The following BLACAT1 variants were observed in gnomAD, a reference collection of about 807,000 sequenced individuals.
BLACAT1 encodes the protein BLACAT1 overlapping LEMD1 locus.
intron 1 of BLACAT1, among the ~76,000 whole-genome samples, chr1:205,444,784 T>C (rs1325141701): frequency 1.3e-5 from 2 of 152,068 alleles, no homozygotes; most frequent in East Asian, 3.9e-4. Context: ...AGCAATTCTC[T>C]GATAAACAAG....
downstream of BLACAT1, among the ~76,000 whole-genome samples, chr1:205,438,903 G>C (rs547468429): frequency 6.6e-5 from 10 of 152,146 alleles, no homozygotes; most frequent in African/African-American, 2.4e-4. Context: ...AGGCGCACAA[G>C]GGGAAAGCTC....
chr1:205,445,431 C>T (rs1041123080), intron 1 of BLACAT1, among the ~76,000 whole-genome samples: 1 of 152,244 alleles, frequency 6.6e-6, no homozygotes, highest in Non-Finnish European at 1.5e-5. Flanking sequence ...TTAACTCCTT[C>T]TTGGCCTGCT....
At chr1:205,451,310 G>C (rs1666494170) in intron 1 of BLACAT1, among the ~76,000 whole-genome samples, 1 of 152,144 alleles carries the variant, frequency 6.6e-6, no homozygotes, top group Non-Finnish European at 1.5e-5. Context: ...CCTACCACCA[G>C]TGGCCTCCTC....
intron 1 of BLACAT1, among the ~76,000 whole-genome samples, chr1:205,455,181 C>G (rs1471348617): frequency 6.6e-6 from 1 of 152,176 alleles, no homozygotes; most frequent in Non-Finnish European, 1.5e-5. Context: ...GCTCCTAGCT[C>G]CGGCCTTTCT....
intron 1 of BLACAT1, among the ~76,000 whole-genome samples, chr1:205,442,520 C>G (rs538184117): frequency 6.6e-6 from 1 of 152,174 alleles, no homozygotes; most frequent in Non-Finnish European, 1.5e-5. Flanking sequence ...GCACAGTGCC[C>G]GGTGGATCCA....
At chr1:205,439,881 G>A (rs943871836), downstream of BLACAT1, among the ~76,000 whole-genome samples, 6 of 151,818 alleles carry the variant, frequency 4.0e-5, no homozygotes, top group Admixed American at 6.6e-5. Flanking sequence ...AAAGAGGGAA[G>A]GAAATGCTTT....
rs1270644352 is a variant in BLACAT1, at chr1:205,450,231, G to A, written c.-37+5686C>T. ...CTGGTCGGTGAAGCACAAACCTCTT[G>A]TATCTACTGGCTTTTGATCTCACTC... is the stretch of plus-strand genomic sequence containing the variant. On this transcript the variant is annotated intron_variant, in intron 1 of 1. Coordinates refer to ENST00000629624, the Ensembl canonical transcript of BLACAT1. This position sits in a 1 kb window ranked among gnomAD's most constrained non-coding sequence, Gnocchi z 4.4. Among the ~76,000 whole-genome samples the A allele has an allele frequency of 6.6e-6, 1 of 151,822 alleles. No homozygotes were observed. The highest frequency in any genetic ancestry group is 1.5e-5 in the Non-Finnish European group (1 of 67,974).
At chr1:205,438,470 G>A (rs755241031), downstream of BLACAT1, among the ~76,000 whole-genome samples, 18 of 152,252 alleles carry the variant, frequency 1.2e-4, no homozygotes, top group Non-Finnish European at 1.9e-4. Flanking sequence ...GGCTGCTTTG[G>A]CCTTTCCCTA....
rs910841521 is a variant in BLACAT1, at chr1:205,441,166, T to C, written c.-36-104A>G. On this transcript the variant is annotated intron_variant, in intron 1 of 1. Coordinates refer to ENST00000629624, the Ensembl canonical transcript of BLACAT1. The surrounding 1 kb of genome is among the most constrained non-coding windows in gnomAD (Gnocchi z 4.3). ...GAACCCTCTGGGTCTGGCCCAGTCATTGCCACTCCCTGAGGCGGCCCGCTA... is the reference window on the plus strand; with the variant it reads ...GAACCCTCTGGGTCTGGCCCAGTCACTGCCACTCCCTGAGGCGGCCCGCTA... 6.6e-6 allele frequency: 1 copy of C among 152,234 alleles called. No homozygotes were observed. Among genetic ancestry groups the C allele is most frequent in the African/African-American group, 2.4e-5 (1 of 41,392 alleles). The allele number at this position is 152,234 out of a possible 1,614,324, so 9.4% of individuals were successfully genotyped here. A position where few individuals can be genotyped will look rare whatever the true frequency, so the allele number is the denominator to read the frequency against.
At chr1:205,452,104 T>C (rs1575014522) in intron 1 of BLACAT1, among the ~76,000 whole-genome samples, 1 of 152,230 alleles carries the variant, frequency 6.6e-6, no homozygotes. Context: ...GATTGGCTGG[T>C]GGGTGTGCCC....
At chr1:205,437,889 C>T (rs1021016281), downstream of BLACAT1, 3 of 152,230 alleles carry the variant, frequency 2.0e-5, no homozygotes, top group Non-Finnish European at 2.9e-5. Context: ...CACTCTAACA[C>T]TTCATGTGTA....
exon 2 of BLACAT1, among the ~76,000 whole-genome samples, chr1:205,439,936 C>T (rs1666265660): frequency 7.0e-6 from 1 of 143,020 alleles, no homozygotes; most frequent in Non-Finnish European, 1.5e-5. Context: ...GGGGTAAGGG[C>T]AGAGGCTGAA....
In BLACAT1 at chr1:205,450,110, G is replaced by C. The variant is rs929094342; in HGVS notation, c.-37+5807C>G. 6.6e-6 allele frequency among the ~76,000 whole-genome samples: 1 copy of C among 152,052 alleles called. No homozygotes were observed. Among genetic ancestry groups the C allele is most frequent in the African/African-American group, 2.4e-5 (1 of 41,420 alleles). Reference sequence around the variant, plus strand: ...CCCCAGCCCTGAGGACGGTGGGGGTGGGGGTGGGGGCGGGCTGGGCAGGCG... The same window carrying C: ...CCCCAGCCCTGAGGACGGTGGGGGTCGGGGTGGGGGCGGGCTGGGCAGGCG... On this transcript the variant is annotated intron_variant, in intron 1 of 1. Transcript: ENST00000629624. This position sits in a 1 kb window ranked among gnomAD's most constrained non-coding sequence, Gnocchi z 4.4.
chr1:205,444,791 CAAG>C (rs973711052), intron 1 of BLACAT1, among the ~76,000 whole-genome samples: 4 of 152,040 alleles, frequency 2.6e-5, no homozygotes, highest in Admixed American at 1.3e-4. Context: ...CTCTGATAAA[CAAG>C]AAGAGGGATA....
chr1:205,455,579 A>C (rs915573947), intron 1 of BLACAT1, among the ~76,000 whole-genome samples: 1 of 152,138 alleles, frequency 6.6e-6, no homozygotes, highest in Non-Finnish European at 1.5e-5. Context: ...CTCAGCGGGG[A>C]CAGGAGGATC....
At chr1:205,435,558 T>A (rs7537336), downstream of BLACAT1, 296 of 152,164 alleles carry the variant, frequency 1.9e-3, 1 homozygote, top group African/African-American at 6.9e-3. Context: ...AGGGAAGTAC[T>A]GGTTTCAATT....
In BLACAT1 at chr1:205,448,081, C is replaced by T. The variant is rs183601360; in HGVS notation, c.-36-7019G>A. Reference sequence around the variant, plus strand: ...CACCCTGAAGGTCTCCTTCCTTCCTCAGAGGGAATCTCCCTCTGGAATCAC... The same window carrying T: ...CACCCTGAAGGTCTCCTTCCTTCCTTAGAGGGAATCTCCCTCTGGAATCAC... On this transcript the variant is annotated intron_variant, in intron 1 of 1. Coordinates refer to ENST00000629624, the Ensembl canonical transcript of BLACAT1. This position sits in a 1 kb window ranked among gnomAD's most constrained non-coding sequence, Gnocchi z 4.7. Among the ~76,000 whole-genome samples the T allele has an allele frequency of 5.4e-3, 827 of 152,296 alleles. 4 individuals carry two copies. The highest frequency in any genetic ancestry group is 0.019 in the African/African-American group (786 of 41,560).
At chr1:205,436,324 A>T (rs1666203709), downstream of BLACAT1, 1 of 152,286 alleles carries the variant, frequency 6.6e-6, no homozygotes, top group South Asian at 2.1e-4. Context: ...TCCTCCAGGG[A>T]TGCCCTGGGC....
At chr1:205,451,631 G>T (rs1666498884) in intron 1 of BLACAT1, among the ~76,000 whole-genome samples, 1 of 152,192 alleles carries the variant, frequency 6.6e-6, no homozygotes, top group Non-Finnish European at 1.5e-5. Context: ...AGATGGAACT[G>T]AGAGACACAG....
Sources: gnomAD v4.1 joint callset for allele counts (sites outside exome capture counted in the v4.1 genomes callset) on GRCh38, gnomAD v4.1.1 for gene constraint, Gnocchi (gnomAD v3.1) non-coding constraint, MANE v1.5 for transcripts, NCBI Gene and HGNC (gene_info 2026-07-23, HGNC 2026-07-21) for gene names.